The following GSE1 variants were observed in gnomAD, a reference collection of about 807,000 sequenced individuals.
GSE1 encodes the protein Gse1 coiled-coil protein.
A neutral mutation model predicts 112.6 loss-of-function variants in GSE1; 32 were observed. That is an observed-to-expected ratio of 0.28 (90% CI 0.21 to 0.38). The LOEUF is 0.38. GSE1 is among the 10% of genes least tolerant of loss of function. GSE1 has a pLI of 1.00. For missense variants in GSE1, 2,348 were observed against 1,699.2 expected (o/e 1.38, Z -6.71); for synonymous variants, 1,115 against 735.6 (o/e 1.52, Z -8.35).
chr16:85,555,897 C>CT (rs1246430393), upstream of GSE1: 2 of 863,460 alleles, frequency 2.3e-6, no homozygotes, highest in Non-Finnish European at 2.8e-6. Flanking sequence ...CACCTCCCCC[C>CT]TTTATTTTTC....
At chr16:85,504,982 C>T (rs867223088) in intron 2 of GSE1, among the ~76,000 whole-genome samples, 3 of 151,230 alleles carry the variant, frequency 2.0e-5, no homozygotes, top group Admixed American at 1.3e-4. Context: ...TGTTCCCAAC[C>T]ATTCTCCTCG....
intron 2 of GSE1, among the ~76,000 whole-genome samples, chr16:85,506,781 G>A (rs1433818207): frequency 1.3e-5 from 2 of 152,178 alleles, no homozygotes; most frequent in South Asian, 2.1e-4. Flanking sequence ...CGATCCGTGA[G>A]CTCCTGCTAC....
At position 85,661,272 on chromosome 16, in the gene GSE1, C is replaced by G; in HGVS notation, c.1767C>G (p.Ser589=). The G allele has an allele frequency of 6.2e-7, 1 of 1,612,952 alleles. No individual in the cohort carries two copies. The highest frequency in any genetic ancestry group is 1.1e-5 in the South Asian group (1 of 91,082). The change falls in exon 9 of 16, where the codon TCC becomes TCG. Residue 589 remains serine (S), a synonymous_variant. Coordinates refer to ENST00000253458, the MANE Select transcript of GSE1 (RefSeq NM_014615.5). ...CCACGGCCCTCTGGAACCCCGTGTC[C>G]CTGATGGACAACACCTTGGAGACGC... ...AAPTALWNPV[S]LMDNTLETRR...
At chr16:85,501,432 G>T (rs1267175700) in intron 2 of GSE1, among the ~76,000 whole-genome samples, 5 of 136,126 alleles carry the variant, frequency 3.7e-5, no homozygotes, top group African/African-American at 1.1e-4. Context: ...TTACTGTGTT[G>T]CCCAGGCTGG....
At chr16:85,304,609 T>TGGGGGGGGG (rs34644508) in intron 1 of GSE1, among the ~76,000 whole-genome samples, 4 of 110,940 alleles carry the variant, frequency 3.6e-5, no homozygotes, top group Non-Finnish European at 5.5e-5. Context: ...GGCGGGGGGG[T>TGGGGGGGGG]GGGGCATCCC....
intron 1 of GSE1, among the ~76,000 whole-genome samples, chr16:85,280,175 G>T (rs1372504345): frequency 2.0e-5 from 3 of 152,182 alleles, no homozygotes; most frequent in African/African-American, 7.2e-5. Flanking sequence ...CCAGCAGGCG[G>T]TGCTTAAGAT....
intron 3 of GSE1, among the ~76,000 whole-genome samples, chr16:85,650,714 T>TG (rs1007179252): frequency 1.3e-5 from 2 of 152,134 alleles, no homozygotes; most frequent in African/African-American, 4.8e-5. Context: ...TAGCAGGTGA[T>TG]GTACGGCTCC....
chr16:85,424,687 G>A (rs2048926960), intron 2 of GSE1, among the ~76,000 whole-genome samples: 1 of 152,224 alleles, frequency 6.6e-6, no homozygotes, highest in African/African-American at 2.4e-5. Flanking sequence ...CCGTCCCTCG[G>A]AATCGCTAAT....
chr16:85,181,241 T>C (rs912492750), intron 1 of GSE1, among the ~76,000 whole-genome samples: 4 of 152,152 alleles, frequency 2.6e-5, no homozygotes, highest in Non-Finnish European at 5.9e-5. Context: ...CCTTCCCATT[T>C]CTCCTTGGAC....
intron 2 of GSE1, among the ~76,000 whole-genome samples, chr16:85,483,306 C>G (rs760701137): frequency 3.3e-5 from 5 of 152,240 alleles, no homozygotes; most frequent in Non-Finnish European, 7.3e-5. Flanking sequence ...CTGGGTGGGT[C>G]ATGGGAGAGC....
intron 2 of GSE1, among the ~76,000 whole-genome samples, chr16:85,403,882 G>C (rs2048178291): frequency 2.0e-5 from 3 of 152,140 alleles, no homozygotes; most frequent in Non-Finnish European, 4.4e-5. Flanking sequence ...TGTGGGCAGG[G>C]CTGCACCCCC....
chr16:85,664,999 G>C lies in GSE1; in HGVS notation c.2645-16G>C, dbSNP rs755508828. ...GATGCAACTGGCTCGTTAATCTCAG[G>C]CTGCTTTTCTCATAGACAAAGAGAG... On this transcript the variant is annotated splice_polypyrimidine_tract_variant and intron_variant, in intron 11 of 15. Coordinates refer to ENST00000253458, the MANE Select transcript of GSE1 (RefSeq NM_014615.5). The C allele has an allele frequency of 2.0e-6, 3 of 1,501,622 alleles. No homozygotes were observed. Among genetic ancestry groups the C allele is most frequent in the Non-Finnish European group, 2.8e-6 (3 of 1,077,838 alleles). The allele number at this position is 1,501,622 out of a possible 1,614,324, so 93.0% of individuals were successfully genotyped here.
At chr16:85,445,834 T>C (rs557369584) in intron 2 of GSE1, among the ~76,000 whole-genome samples, 54 of 152,238 alleles carry the variant, frequency 3.5e-4, no homozygotes, top group African/African-American at 1.2e-3. Flanking sequence ...GGGCCCGCCT[T>C]GCAGCTCGCT....
chr16:85,344,706 C>T (rs1158170916), intron 1 of GSE1, among the ~76,000 whole-genome samples: 2 of 152,226 alleles, frequency 1.3e-5, no homozygotes, highest in South Asian at 2.1e-4. Flanking sequence ...GAGGTAGAGC[C>T]ACTTGCCTGC....
chr16:85,649,944 G>A lies in GSE1; in HGVS notation c.426+1193G>A, dbSNP rs190050626. ...AGGTGACAGCCCCCGGGCAGGCCCT[G>A]ATCCAGGGTCCCAGTGGGAATCCCT... is the stretch of plus-strand genomic sequence containing the variant. On this transcript the variant is annotated intron_variant, in intron 3 of 15. Transcript: ENST00000253458. 4.3e-3 allele frequency among the ~76,000 whole-genome samples: 660 copies of A among 152,260 alleles called. 3 individuals carry two copies. The highest frequency in any genetic ancestry group is 7.7e-3 in the Admixed American group (118 of 15,310).
rs116633678 is a variant in GSE1, at chr16:85,196,611, C to T, written c.2283+24804C>T. ...GAGGCCTTTGGTAAGCATTGTTTCT[C>T]GATGGGTGGAACACAGACGTGCTCT... On this transcript the variant is annotated intron_variant, in intron 1 of 2. Transcript: ENST00000637419. Among the ~76,000 whole-genome samples the T allele has an allele frequency of 8.7e-3, 1,329 of 152,142 alleles. 25 individuals carry two copies. Among genetic ancestry groups the T allele is most frequent in the African/African-American group, 0.031 (1,269 of 41,508 alleles).
At chr16:85,640,533 C>T (rs1320061417) in intron 2 of GSE1, among the ~76,000 whole-genome samples, 6 of 152,240 alleles carry the variant, frequency 3.9e-5, no homozygotes, top group Admixed American at 3.3e-4. Flanking sequence ...GAGGCAGATC[C>T]GGTTACTGTC....
chr16:85,655,909 C>A lies in GSE1; in HGVS notation c.981C>A (p.Ser327Arg). Residue 327 changes from serine to arginine, a missense_variant, in exon 6 of 16, where the codon AGC becomes AGA. Transcript: ENST00000253458. ...ACTCGGAGCGCATGTCTGGCCTCAG[C>A]GCGGAGAGGTAAGTGCGTCTCGAGC... ...ALHSERMSGLSAERLQMDEEL... is the reference protein window; with the variant it reads ...ALHSERMSGLRAERLQMDEEL... The A allele has an allele frequency of 6.2e-7, 1 of 1,602,230 alleles. No individual in the cohort carries two copies. The highest frequency in any genetic ancestry group is 8.5e-7 in the Non-Finnish European group (1 of 1,179,148).
intron 2 of GSE1, among the ~76,000 whole-genome samples, chr16:85,642,205 G>A (rs958253126): frequency 8.5e-5 from 13 of 152,238 alleles, no homozygotes; most frequent in African/African-American, 2.7e-4. Flanking sequence ...CCAGCTGCTC[G>A]GAGGCTGAGG....
Sources: gnomAD v4.1 joint callset for allele counts (sites outside exome capture counted in the v4.1 genomes callset) on GRCh38, gnomAD v4.1.1 for gene constraint, MANE v1.5 for transcripts, NCBI Gene and HGNC (gene_info 2026-07-23, HGNC 2026-07-21) for gene names.